PDE1A: variants seen among roughly 807,000 people sequenced by gnomAD.
PDE1A encodes the protein dual specificity calcium/calmodulin-dependent 3',5'-cyclic nucleotide phosphodiesterase 1A.
Under a neutral mutation model 61.7 loss-of-function variants are expected in PDE1A, and 35 were observed. The ratio of observed to expected loss-of-function variants is 0.57; its 90% CI spans 0.43 to 0.75. The LOEUF (loss-of-function observed/expected upper bound fraction) is 0.75, where lower values mean the gene tolerates loss of function less well. Ranked by LOEUF, PDE1A falls within the 30% of genes least tolerant of loss-of-function variation. PDE1A has a pLI of 0.00. For missense variants in PDE1A, 597 were observed against 630.6 expected, an observed-to-expected ratio of 0.95 and a Z score of 0.57; for synonymous variants, 232 against 213.2, an observed-to-expected ratio of 1.09 and a Z score of -0.77.
In PDE1A at chr2:182,438,460, C is replaced by A. The variant is rs528378458; in HGVS notation, c.101+83816G>T. On this transcript the variant is annotated intron_variant, in intron 2 of 14. Coordinates refer to the PDE1A transcript ENST00000410103. ...TCTATTTTTAAAAGTAATTTTAATACAATTAAGTGCATTCATAAAATAAAA... is the reference window on the plus strand; with the variant it reads ...TCTATTTTTAAAAGTAATTTTAATAAAATTAAGTGCATTCATAAAATAAAA... Among the ~76,000 whole-genome samples, 29 of 151,758 alleles carry A rather than the reference C, an allele frequency of 1.9e-4. No homozygotes were observed. The South Asian group carries it at 5.2e-3, about 27-fold the overall frequency.
the PDE1A span, among the ~76,000 whole-genome samples, chr2:182,622,301 T>A: frequency 9.9e-5 from 15 of 152,280 alleles, no homozygotes; most frequent in East Asian, 2.9e-3. Flanking sequence ...GAAATACTGA[T>A]TTAATTTATC....
the PDE1A span, among the ~76,000 whole-genome samples, chr2:182,690,999 T>A: frequency 1.6e-4 from 25 of 151,934 alleles, 1 homozygote; most frequent in South Asian, 4.2e-3. Flanking sequence ...TTCAAGGAGA[T>A]CTACAAACCA....
chr2:182,334,662 C>T (rs1697660370), intron 1 of PDE1A, among the ~76,000 whole-genome samples: 1 of 152,118 alleles, frequency 6.6e-6, no homozygotes, highest in Admixed American at 6.5e-5. Flanking sequence ...AACCTACAGC[C>T]AATATTATAT....
chr2:182,426,937 A>G lies in PDE1A; in HGVS notation c.-307T>C, dbSNP rs774755714. On this transcript the variant is annotated 5_prime_UTR_variant, in exon 1 of 14. Transcript: ENST00000351439. Reference sequence around the variant, plus strand: ...GGGACCCTCCGAAACAGAACAAAACAAACAGAAAACTTCCTACCCCAGTGT... The same window carrying G: ...GGGACCCTCCGAAACAGAACAAAACGAACAGAAAACTTCCTACCCCAGTGT... 4 of 1,099,554 alleles carry G rather than the reference A, an allele frequency of 3.6e-6. No individual in the cohort carries two copies. The South Asian group carries it at 1.1e-4, about 30-fold the overall frequency. The allele number at this position is 1,099,554 out of a possible 1,614,324, so 68.1% of individuals were successfully genotyped here. A position where few individuals can be genotyped will look rare whatever the true frequency, so the allele number is the denominator to read the frequency against.
At chr2:182,425,423 A>G (rs913568722) in intron 1 of PDE1A, among the ~76,000 whole-genome samples, 1 of 152,234 alleles carries the variant, frequency 6.6e-6, no homozygotes, top group Non-Finnish European at 1.5e-5. Flanking sequence ...ATTGCATAAG[A>G]CACAAAAACA....
the PDE1A span, among the ~76,000 whole-genome samples, chr2:182,552,439 G>GTTTTTTT: frequency 1.6e-5 from 2 of 122,888 alleles, no homozygotes; most frequent in East Asian, 2.3e-4. Context: ...GCTACACAAA[G>GTTTTTTT]TTTTTTTTTT....
At chr2:182,154,236 G>T (rs1256560474) in intron 13 of PDE1A, among the ~76,000 whole-genome samples, 1 of 152,056 alleles carries the variant, frequency 6.6e-6, no homozygotes, top group African/African-American at 2.4e-5. Context: ...CCATTTCTGT[G>T]CCTGAATGGA....
the PDE1A span, among the ~76,000 whole-genome samples, chr2:182,689,260 T>C: frequency 6.6e-6 from 1 of 152,146 alleles, no homozygotes; most frequent in Non-Finnish European, 1.5e-5. Context: ...TATTCCAAAA[T>C]TGACCACATA....
At chr2:182,606,606 T>C in the PDE1A span, among the ~76,000 whole-genome samples, 94,781 of 151,804 alleles carry the variant, frequency 0.62, 29,802 homozygotes, top group Admixed American at 0.73. Flanking sequence ...GCCCTGTGGA[T>C]GTTATAATAT....
At chr2:182,652,445 C>G in the PDE1A span, among the ~76,000 whole-genome samples, 2 of 152,110 alleles carry the variant, frequency 1.3e-5, no homozygotes, top group Admixed American at 6.5e-5. Flanking sequence ...TCATCCTCAG[C>G]GTCAGAGGAA....
intron 13 of PDE1A, among the ~76,000 whole-genome samples, chr2:182,184,331 A>G: frequency 6.6e-6 from 1 of 152,126 alleles, no homozygotes; most frequent in East Asian, 1.9e-4. Context: ...GAAAACAGAA[A>G]GAAAAAGATA....
intron 2 of PDE1A, among the ~76,000 whole-genome samples, chr2:182,483,647 G>C (rs4496292): frequency 0.15 from 22,820 of 151,668 alleles, 2,149 homozygotes; most frequent in Middle Eastern, 0.29. Context: ...CTAAAGCAGT[G>C]TTTTAAAGAA....
At chr2:182,478,405 T>C (rs536930668) in intron 2 of PDE1A, among the ~76,000 whole-genome samples, 22 of 151,848 alleles carry the variant, frequency 1.4e-4, no homozygotes, top group Middle Eastern at 3.2e-3. Context: ...CCTGGAGCAC[T>C]GCATTGAGGA....
At chr2:182,507,848 GA>G (rs1194997787) in intron 2 of PDE1A, among the ~76,000 whole-genome samples, 1 of 151,692 alleles carries the variant, frequency 6.6e-6, no homozygotes, top group Non-Finnish European at 1.5e-5. Context: ...CTAAAAGTTA[GA>G]AAGGAACCCA....
chr2:182,296,599 G>A (rs1694902353), intron 1 of PDE1A, among the ~76,000 whole-genome samples: 1 of 152,088 alleles, frequency 6.6e-6, no homozygotes, highest in Non-Finnish European at 1.5e-5. Context: ...TAATAAAGAG[G>A]CCACCGATCT....
chr2:182,255,503 G>A (rs576157328), intron 2 of PDE1A, among the ~76,000 whole-genome samples: 4 of 152,112 alleles, frequency 2.6e-5, no homozygotes, highest in African/African-American at 7.2e-5. Context: ...CTCTTGCAGC[G>A]CATTTACCCA....
At chr2:182,579,908 T>C in the PDE1A span, among the ~76,000 whole-genome samples, 4 of 152,204 alleles carry the variant, frequency 2.6e-5, no homozygotes, top group Admixed American at 2.0e-4. Context: ...TAGCTAACTC[T>C]TCTTGTCCCC....
At chr2:182,639,080 A>T in the PDE1A span, among the ~76,000 whole-genome samples, 1 of 152,230 alleles carries the variant, frequency 6.6e-6, no homozygotes, top group East Asian at 1.9e-4. Flanking sequence ...AAACTTACCA[A>T]AAGAGGAACA....
chr2:182,454,868 C>CATGTCTAAAAT, intron 2 of PDE1A, among the ~76,000 whole-genome samples: 2 of 121,602 alleles, frequency 1.6e-5, no homozygotes, highest in Middle Eastern at 5.6e-3. Context: ...GCAAGGACTT[C>CATGTCTAAAAT]ACAAAAGCAA....
Sources: allele counts gnomAD v4.1 joint callset (sites outside exome capture counted in the v4.1 genomes callset), GRCh38; gene constraint gnomAD v4.1.1; transcripts MANE v1.5; gene names NCBI Gene and HGNC (gene_info 2026-07-23, HGNC 2026-07-21).